The following SUGCT variants were observed in gnomAD, a reference collection of about 807,000 sequenced individuals.
The protein encoded by SUGCT is succinyl-CoA:glutarate CoA-transferase.
In SUGCT, 41 loss-of-function variants were observed where a neutral mutation model predicts 55.0. That is an observed-to-expected ratio of 0.74 (90% CI 0.58 to 0.97). The LOEUF (loss-of-function observed/expected upper bound fraction) is 0.97, where lower values mean the gene tolerates loss of function less well. Among genes scored for constraint, SUGCT ranks in the 50% least tolerant of loss-of-function variants. SUGCT has a pLI of 0.00. For missense variants in SUGCT, 568 were observed against 547.8 expected, an observed-to-expected ratio of 1.04 and a Z score of -0.37; for synonymous variants, 187 against 200.4, an observed-to-expected ratio of 0.93 and a Z score of 0.56.
At chr7:40,223,753 C>T (rs945240312) in intron 6 of SUGCT, among the ~76,000 whole-genome samples, 2 of 152,116 alleles carry the variant, frequency 1.3e-5, no homozygotes, top group South Asian at 2.1e-4. Context: ...TACTTTTATT[C>T]TGTTCTTTCA....
intron 12 of SUGCT, among the ~76,000 whole-genome samples, chr7:40,746,620 T>C (rs192078986): frequency 6.6e-6 from 1 of 152,318 alleles, no homozygotes; most frequent in African/African-American, 2.4e-5. Context: ...GAAAATATCC[T>C]ATATAGACAG....
intron 13 of SUGCT, among the ~76,000 whole-genome samples, chr7:40,845,061 T>A (rs1419037713): frequency 2.0e-5 from 3 of 152,026 alleles, no homozygotes; most frequent in African/African-American, 7.2e-5. Flanking sequence ...GTGGTTTATT[T>A]TTTATTTTTT....
At chr7:40,514,252 C>T (rs1309998756) in intron 12 of SUGCT, among the ~76,000 whole-genome samples, 2 of 152,084 alleles carry the variant, frequency 1.3e-5, no homozygotes, top group East Asian at 3.9e-4. Context: ...AGAGTCACCA[C>T]AGCTCAGTTT....
chr7:40,258,442 G>A (rs1023632450), intron 7 of SUGCT, among the ~76,000 whole-genome samples: 3 of 152,080 alleles, frequency 2.0e-5, no homozygotes, highest in African/African-American at 7.2e-5. Flanking sequence ...GCAATGGCGC[G>A]ATCTTGGCTC....
intron 11 of SUGCT, among the ~76,000 whole-genome samples, chr7:40,465,180 T>C (rs1429715525): frequency 6.6e-6 from 1 of 152,254 alleles, no homozygotes; most frequent in East Asian, 1.9e-4. Context: ...TTTCTTAAAT[T>C]AAGTTTTTGA....
chr7:40,589,432 C>T (rs1797589216), intron 12 of SUGCT, among the ~76,000 whole-genome samples: 1 of 152,096 alleles, frequency 6.6e-6, no homozygotes, highest in African/African-American at 2.4e-5. Context: ...CAAGATGCTC[C>T]CTGCCATTCT....
chr7:40,182,230 G>T (rs1785252329), intron 3 of SUGCT, among the ~76,000 whole-genome samples: 1 of 152,160 alleles, frequency 6.6e-6, no homozygotes, highest in Non-Finnish European at 1.5e-5. Flanking sequence ...TGTGCTAAGT[G>T]CTAAGGCTCA....
the SUGCT span, among the ~76,000 whole-genome samples, chr7:40,868,010 A>G: frequency 6.6e-6 from 1 of 152,144 alleles, no homozygotes; most frequent in Non-Finnish European, 1.5e-5. Flanking sequence ...CACCCACCAG[A>G]TTACAAGTTC....
chr7:40,203,922 TA>T (rs373441411), intron 6 of SUGCT, among the ~76,000 whole-genome samples: 2 of 152,152 alleles, frequency 1.3e-5, no homozygotes, highest in Non-Finnish European at 2.9e-5. Context: ...TTTCCTGCTA[TA>T]AAAAATCAAT....
intron 1 of SUGCT, among the ~76,000 whole-genome samples, chr7:40,163,065 T>C (rs896738073): frequency 3.3e-5 from 5 of 152,086 alleles, no homozygotes; most frequent in African/African-American, 1.2e-4. Context: ...GCCTGGAGGA[T>C]TTCATGGGGT....
chr7:40,462,883 T>C (rs1018576131), intron 11 of SUGCT, among the ~76,000 whole-genome samples: 3 of 152,204 alleles, frequency 2.0e-5, no homozygotes, highest in African/African-American at 7.2e-5. Flanking sequence ...TTTCCATATT[T>C]TTCATAATAA....
chr7:40,497,578 T>C (rs1792052062), intron 12 of SUGCT, among the ~76,000 whole-genome samples: 1 of 152,184 alleles, frequency 6.6e-6, no homozygotes, highest in African/African-American at 2.4e-5. Context: ...CATCAGTGGA[T>C]TAATGCCTGG....
intron 12 of SUGCT, chr7:40,684,032 G>A (rs756646755): frequency 1.2e-6 from 2 of 1,611,920 alleles, no homozygotes; most frequent in South Asian, 2.2e-5. Context: ...TGAGGTCTCT[G>A]TTTTCTTTGC....
intron 12 of SUGCT, among the ~76,000 whole-genome samples, chr7:40,642,347 G>C (rs547362915): frequency 2.0e-5 from 3 of 152,318 alleles, no homozygotes; most frequent in Non-Finnish European, 2.9e-5. Context: ...AAGTTCTTCT[G>C]TATTCTGTAA....
At chr7:40,768,727 G>C (rs145175734) in intron 13 of SUGCT, among the ~76,000 whole-genome samples, 1 of 152,090 alleles carries the variant, frequency 6.6e-6, no homozygotes. Context: ...AAATGTTTTC[G>C]TATCATGGTT....
At chr7:40,598,430 G>C (rs117129218) in intron 12 of SUGCT, among the ~76,000 whole-genome samples, 1,555 of 152,320 alleles carry the variant, frequency 0.01, 13 homozygotes, top group Non-Finnish European at 0.018. Flanking sequence ...CAGCATGCCA[G>C]GTCATTACTA....
At chr7:40,675,553 C>T (rs989190790) in intron 12 of SUGCT, among the ~76,000 whole-genome samples, 1 of 152,292 alleles carries the variant, frequency 6.6e-6, no homozygotes, top group African/African-American at 2.4e-5. Flanking sequence ...AGAAGCACAT[C>T]GTGCTAAAAG....
intron 8 of SUGCT, among the ~76,000 whole-genome samples, chr7:40,309,206 A>C (rs1394647123): frequency 6.6e-6 from 1 of 152,184 alleles, no homozygotes; most frequent in Non-Finnish European, 1.5e-5. Context: ...CCTAGAATGT[A>C]AGCTTCATGA....
intron 5 of SUGCT, among the ~76,000 whole-genome samples, chr7:40,192,322 C>G (rs1410385575): frequency 6.6e-6 from 1 of 151,994 alleles, no homozygotes; most frequent in African/African-American, 2.4e-5. Flanking sequence ...TGAAACTCTG[C>G]CTAGAAAACC....
Sources: allele counts gnomAD v4.1 joint callset (sites outside exome capture counted in the v4.1 genomes callset), GRCh38; gene constraint gnomAD v4.1.1; transcripts MANE v1.5; gene names NCBI Gene and HGNC (gene_info 2026-07-23, HGNC 2026-07-21).